HEATR5A: variants seen among roughly 807,000 people sequenced by gnomAD.
HEATR5A encodes HEAT repeat containing 5A.
Under a neutral mutation model 218.8 loss-of-function variants are expected in HEATR5A, and 178 were observed. The ratio of observed to expected loss-of-function variants is 0.81; its 90% CI spans 0.72 to 0.92. The LOEUF is 0.92. HEATR5A is among the 40% of genes least tolerant of loss of function. The probability of loss-of-function intolerance (pLI) is 0.00; values close to 1 mark genes in which losing one functional copy is unlikely to be tolerated. For synonymous variants in HEATR5A, 864 were observed against 871.6 expected (o/e 0.99, Z 0.15); for missense variants, 2,420 against 2,418.9 (o/e 1.00, Z -0.01).
At chr14:31,404,896 A>G (rs746782072) in intron 1 of HEATR5A, among the ~76,000 whole-genome samples, 2 of 150,682 alleles carry the variant, frequency 1.3e-5, no homozygotes, top group Non-Finnish European at 3.0e-5. Context: ...CCTGGTGAAG[A>G]GTGAGACCCT....
At chr14:31,414,375 T>A (rs2031379096) in intron 1 of HEATR5A, among the ~76,000 whole-genome samples, 2 of 152,200 alleles carry the variant, frequency 1.3e-5, no homozygotes, top group South Asian at 4.1e-4. Context: ...TCATTCTTAG[T>A]TTAGACATGA....
chr14:31,411,345 T>C (rs961805469), intron 1 of HEATR5A, among the ~76,000 whole-genome samples: 1 of 151,930 alleles, frequency 6.6e-6, no homozygotes, highest in African/African-American at 2.4e-5. Context: ...ATTTGACATA[T>C]TCAAAGAATA....
At chr14:31,412,628 G>A (rs114724193) in intron 1 of HEATR5A, among the ~76,000 whole-genome samples, 1,862 of 152,154 alleles carry the variant, frequency 0.012, 28 homozygotes, top group African/African-American at 0.037. Flanking sequence ...AGTGGCTCAC[G>A]CCTGTTAATT....
rs374390961 is a variant in HEATR5A at position 31,374,863 on chromosome 14, G to C, written c.1814C>G (p.Ser605Trp). 6 of 1,613,596 alleles carry C rather than the reference G, an allele frequency of 3.7e-6. No individual in the cohort carries two copies. The highest frequency in any genetic ancestry group is 2.2e-5 in the East Asian group (1 of 44,878). Residue 605 changes from serine (S) to tryptophan (W), a missense_variant, in exon 12 of 36, where the codon TCG becomes TGG. Ser to Trp is a radical substitution (Grantham distance 177). Coordinates refer to ENST00000543095, the MANE Select transcript of HEATR5A (RefSeq NM_015473.4). ...DLETEKSRGD[S>W]FTWQVTLEGR... is the part of the protein sequence containing the mutation. ...TTCCAGGGTCACCTGCCATGTAAAC[G>C]AATCTCCTCGGCTCTTTTCTGTTTC...
chr14:31,327,375 C>T (rs1566755578), intron 22 of HEATR5A, among the ~76,000 whole-genome samples: 1 of 147,446 alleles, frequency 6.8e-6, no homozygotes, highest in South Asian at 2.2e-4. Context: ...CTCACTGCAA[C>T]CTCCGCCTCC....
intron 22 of HEATR5A, among the ~76,000 whole-genome samples, chr14:31,326,973 A>C (rs1426039969): frequency 4.0e-5 from 6 of 150,554 alleles, no homozygotes; most frequent in African/African-American, 7.4e-5. Context: ...TTCAGTGCTT[A>C]ATTTTTTTTT....
intron 14 of HEATR5A, among the ~76,000 whole-genome samples, chr14:31,359,976 A>G (rs1432528165): frequency 6.6e-6 from 1 of 151,828 alleles, no homozygotes; most frequent in Non-Finnish European, 1.5e-5. Context: ...TCATCCATAA[A>G]TATTTCACCG....
chr14:31,337,365 C>T, intron 22 of HEATR5A, 111 bp downstream of exon 22: 1 of 784,182 alleles, frequency 1.3e-6, no homozygotes, highest in Non-Finnish European at 2.0e-6. Flanking sequence ...TTTCTTGTAG[C>T]AGGTTTAAGA....
At chr14:31,388,775 G>C in intron 7 of HEATR5A, 70 bp downstream of exon 7, 2 of 1,218,336 alleles carry the variant, frequency 1.6e-6, no homozygotes, top group East Asian at 4.7e-5. Context: ...CACTTCTGTG[G>C]AGTCAGATAC....
intron 13 of HEATR5A, among the ~76,000 whole-genome samples, chr14:31,364,799 A>G (rs2139241571): frequency 6.6e-6 from 1 of 151,976 alleles, no homozygotes; most frequent in South Asian, 2.1e-4. Flanking sequence ...CACCTTTCCT[A>G]CTGGTGTTAA....
In HEATR5A at chr14:31,292,042, T is replaced by C. The variant is rs931661395; in HGVS notation, c.*1263A>G. ...TGATTCACACAGTATAACACTGAAG[T>C]AGAAGGAGAATCAACAATCATGAAC... On this transcript the variant is annotated 3_prime_UTR_variant, in exon 36 of 36. Coordinates refer to ENST00000543095, the MANE Select transcript of HEATR5A (RefSeq NM_015473.4). 2 of 152,200 alleles carry C rather than the reference T, an allele frequency of 1.3e-5. No individual in the cohort carries two copies. The highest frequency in any genetic ancestry group is 2.9e-5 in the Non-Finnish European group (2 of 68,034). 9.4% of individuals were successfully genotyped at this position (152,200 alleles called of 1,614,324 possible).
chr14:31,335,025 G>A (rs1273300297), intron 22 of HEATR5A, among the ~76,000 whole-genome samples: 1 of 150,840 alleles, frequency 6.6e-6, no homozygotes, highest in Non-Finnish European at 1.5e-5. Context: ...CCCTGATTAA[G>A]CAGCCATCAA....
rs1156286418 is a variant in HEATR5A at position 31,345,127 on chromosome 14, A to G, written c.3018T>C (p.Cys1006=). ...CTAACGTGGTAATAAGGGCATTCAA[A>G]CAGCGACCAAGGCTTTGGTGAACTT... ...HAEVHQSLGR[C]LNALITTLGP... The change falls in exon 20 of 36, where the codon TGT becomes TGC. Residue 1006 remains cysteine, a synonymous_variant. Transcript: ENST00000543095. 6.2e-7 allele frequency: 1 copy of G among 1,613,948 alleles called. No homozygotes were observed. The highest frequency in any genetic ancestry group is 1.1e-5 in the South Asian group (1 of 91,074).
intron 21 of HEATR5A, among the ~76,000 whole-genome samples, chr14:31,343,290 A>G (rs1039476322): frequency 6.6e-6 from 1 of 152,046 alleles, no homozygotes; most frequent in African/African-American, 2.4e-5. Flanking sequence ...ACGGGGTTTC[A>G]CCATGTTGGC....
At chr14:31,417,175 AC>A (rs1388863733) in intron 1 of HEATR5A, among the ~76,000 whole-genome samples, 2 of 152,214 alleles carry the variant, frequency 1.3e-5, no homozygotes, top group Non-Finnish European at 2.9e-5. Flanking sequence ...AGTTTACTAA[AC>A]GAAAAAAATT....
At chr14:31,386,795 C>A (rs181929868) in intron 8 of HEATR5A, among the ~76,000 whole-genome samples, 2 of 152,210 alleles carry the variant, frequency 1.3e-5, no homozygotes, top group Admixed American at 6.5e-5. Context: ...CAATCAGAGA[C>A]CCCTTATTAC....
chr14:31,300,207 A>T (rs1462791199), intron 33 of HEATR5A, among the ~76,000 whole-genome samples: 1 of 151,630 alleles, frequency 6.6e-6, no homozygotes, highest in Admixed American at 6.6e-5. Context: ...ACACCCCCTC[A>T]TTGTTCTACT....
At chr14:31,407,600 A>ATATATATATT (rs2031122777) in intron 1 of HEATR5A, among the ~76,000 whole-genome samples, 4 of 850 alleles carry the variant, frequency 4.7e-3, no homozygotes, top group African/African-American at 0.01. Flanking sequence ...ATATATATAT[A>ATATATATATT]TATATATATA....
chr14:31,359,027 G>A lies in HEATR5A; in HGVS notation c.2102C>T (p.Ala701Val). The change falls in exon 15 of 36, where the codon GCT becomes GTT. Residue 701 changes from alanine to valine, a missense_variant. By Grantham distance (64) the Ala-to-Val change is moderately conservative. Transcript: ENST00000543095. Reference sequence around the variant, plus strand: ...AATATCAGGGGCAGTCAAGTCAGCAGCCAGCTCTCTGAGGATAGCACAGAG... The same window carrying A: ...AATATCAGGGGCAGTCAAGTCAGCAACCAGCTCTCTGAGGATAGCACAGAG... Reference protein sequence around the residue: ...GNLCAILRELAADLTAPDIQV... With the variant: ...GNLCAILRELVADLTAPDIQV... 1 of 1,590,290 alleles carries A rather than the reference G, an allele frequency of 6.3e-7. No homozygotes were observed. Among genetic ancestry groups the A allele is most frequent in the East Asian group, 2.2e-5 (1 of 44,798 alleles).
Sources: allele counts gnomAD v4.1 joint callset (sites outside exome capture counted in the v4.1 genomes callset), GRCh38; gene constraint gnomAD v4.1.1; transcripts MANE v1.5; gene names NCBI Gene and HGNC (gene_info 2026-07-23, HGNC 2026-07-21).